The following FOXP1 variants were observed in gnomAD, a reference collection of about 807,000 sequenced individuals.
The protein encoded by FOXP1 is forkhead box protein P1.
A neutral mutation model predicts 98.2 loss-of-function variants in FOXP1; 15 were observed. The ratio of observed to expected loss-of-function variants is 0.15; its 90% CI spans 0.10 to 0.24. The LOEUF (loss-of-function observed/expected upper bound fraction) is 0.24. Ranked by LOEUF, FOXP1 falls within the 10% of genes least tolerant of loss-of-function variation. The pLI, the probability that FOXP1 is intolerant of heterozygous loss-of-function variation, is 1.00. For missense variants in FOXP1, 633 were observed against 848.5 expected (o/e 0.75, Z 3.15); for synonymous variants, 371 against 314.5 (o/e 1.18, Z -1.90).
In FOXP1 at chr3:71,583,611, G is replaced by C. The variant is rs1231517365; in HGVS notation, c.-487C>G. The C allele has an allele frequency of 1.0e-6, 1 of 983,884 alleles. No homozygotes were observed. Among genetic ancestry groups the C allele is most frequent in the Non-Finnish European group, 1.2e-6 (1 of 829,512 alleles). The allele number at this position is 983,884 out of a possible 1,614,324, so 60.9% of individuals were successfully genotyped here. On this transcript the variant is annotated 5_prime_UTR_variant, in exon 1 of 21. Coordinates refer to ENST00000649528, the MANE Select transcript of FOXP1 (RefSeq NM_001349338.3). ...TCTCGGTGCAAACTAAGGTGTTTTC[G>C]GGCCTTTCCCCGCGCGCGCCCACTC...
chr3:70,956,199 A>C lies in FOXP1; in HGVS notation c.*3048T>G, dbSNP rs983964566. ...AAAGAACCGCCCTCTGCCCTCCCCC[A>C]AAAAAGACAAAGATTCACACAGACA... is the stretch of plus-strand genomic sequence containing the variant. On this transcript the variant is annotated 3_prime_UTR_variant, in exon 21 of 21. Coordinates refer to ENST00000649528, the MANE Select transcript of FOXP1 (RefSeq NM_001349338.3). 2.4e-4 allele frequency: 57 copies of C among 233,104 alleles called. No individual in the cohort carries two copies. The highest frequency in any genetic ancestry group is 4.5e-4 in the Admixed American group (8 of 17,778). 14.4% of individuals were successfully genotyped at this position (233,104 alleles called of 1,614,324 possible).
At chr3:71,437,798 G>T (rs1008233550) in intron 3 of FOXP1, among the ~76,000 whole-genome samples, 4 of 152,168 alleles carry the variant, frequency 2.6e-5, no homozygotes, top group Non-Finnish European at 5.9e-5. Flanking sequence ...TGGGGCGTAA[G>T]AGACCCAAAC....
At chr3:70,972,873 G>A (rs368827651) in intron 17 of FOXP1, among the ~76,000 whole-genome samples, 197 bp from the exon 18 acceptor site, 10 of 152,054 alleles carry the variant, frequency 6.6e-5, no homozygotes, top group South Asian at 6.2e-4. Flanking sequence ...TAAATTAATC[G>A]TACTTTGGCA....
At chr3:71,218,307 T>C (rs1246173287) in intron 5 of FOXP1, among the ~76,000 whole-genome samples, 1 of 152,242 alleles carries the variant, frequency 6.6e-6, no homozygotes, top group Non-Finnish European at 1.5e-5. Flanking sequence ...TTCCAGGTGC[T>C]AAATTCAAAA....
At chr3:71,383,604 C>T (rs2080342106) in intron 3 of FOXP1, among the ~76,000 whole-genome samples, 1 of 152,088 alleles carries the variant, frequency 6.6e-6, no homozygotes, top group Non-Finnish European at 1.5e-5. Flanking sequence ...TCAGTTTTTG[C>T]TACATTTATG....
intron 9 of FOXP1, among the ~76,000 whole-genome samples, chr3:71,047,895 T>C (rs1186828706): frequency 1.3e-5 from 2 of 152,224 alleles, no homozygotes; most frequent in East Asian, 1.9e-4. Context: ...GGAAAACTTT[T>C]GTTGTGTAAA....
intron 18 of FOXP1, 136 bp downstream of exon 18, chr3:70,972,419 G>A (rs1036407094): frequency 7.8e-7 from 1 of 1,289,506 alleles, no homozygotes; most frequent in African/African-American, 1.5e-5. Context: ...GGGATGAAAT[G>A]CTTTTTTGCT....
chr3:71,260,894 A>C (rs557612668), intron 5 of FOXP1, among the ~76,000 whole-genome samples: 2 of 152,264 alleles, frequency 1.3e-5, no homozygotes, highest in Non-Finnish European at 2.9e-5. Flanking sequence ...AGTTAGGGGC[A>C]AAAGCTGGAT....
intron 14 of FOXP1, among the ~76,000 whole-genome samples, chr3:70,982,534 A>G (rs2039038704): frequency 6.6e-6 from 1 of 152,202 alleles, no homozygotes; most frequent in Admixed American, 6.5e-5. Flanking sequence ...CAGCAAAGAT[A>G]ATCTCTTTGA....
intron 6 of FOXP1, among the ~76,000 whole-genome samples, chr3:71,136,630 A>G (rs2059831178): frequency 6.6e-6 from 1 of 152,242 alleles, no homozygotes; most frequent in Admixed American, 6.5e-5. Context: ...AATCAGCTTC[A>G]GTAGACTAAT....
At chr3:71,555,879 ATAGAGT>A (rs1243682511) in intron 2 of FOXP1, among the ~76,000 whole-genome samples, 2 of 152,172 alleles carry the variant, frequency 1.3e-5, no homozygotes, top group Admixed American at 6.5e-5. Context: ...TACAATTAAG[ATAGAGT>A]TAAATACTAA....
At chr3:71,286,274 G>A (rs544017337) in intron 5 of FOXP1, among the ~76,000 whole-genome samples, 1 of 152,096 alleles carries the variant, frequency 6.6e-6, no homozygotes, top group South Asian at 2.1e-4. Flanking sequence ...TTTAGAATTA[G>A]ATGGGATATC....
At chr3:71,382,618 T>C (rs1378258440) in intron 3 of FOXP1, among the ~76,000 whole-genome samples, 1 of 152,150 alleles carries the variant, frequency 6.6e-6, no homozygotes, top group Non-Finnish European at 1.5e-5. Context: ...AGCTTGACAG[T>C]TGCTAGGAAT....
intron 6 of FOXP1, among the ~76,000 whole-genome samples, chr3:71,134,612 T>A (rs1310614950): frequency 6.6e-6 from 1 of 152,310 alleles, no homozygotes; most frequent in East Asian, 1.9e-4. Context: ...ATTTTAAGGT[T>A]AAGCTGGGCA....
intron 12 of FOXP1, among the ~76,000 whole-genome samples, chr3:71,012,924 G>C (rs555712978): frequency 6.6e-6 from 1 of 152,220 alleles, no homozygotes; most frequent in South Asian, 2.1e-4. Flanking sequence ...GCATATGTTT[G>C]ATTACATGTC....
chr3:71,349,979 A>G lies in FOXP1; in HGVS notation c.-73+9171T>C, dbSNP rs950691742. 5.3e-5 allele frequency among the ~76,000 whole-genome samples: 8 copies of G among 152,364 alleles called. No homozygotes were observed. The South Asian group carries it at 1.7e-3, about 32-fold the overall frequency. On this transcript the variant is annotated intron_variant, in intron 4 of 20. Transcript: ENST00000649528. ...CCGATCCTTTCAAAATTATTAGGAA[A>G]GTGGTTGTTAAAATTCTGTAATTTA... is the stretch of plus-strand genomic sequence containing the variant.
chr3:71,448,170 C>T (rs2086623389), intron 3 of FOXP1, among the ~76,000 whole-genome samples: 1 of 152,174 alleles, frequency 6.6e-6, no homozygotes, highest in African/African-American at 2.4e-5. Context: ...TAGTGACTGA[C>T]AGACACCTCC....
At chr3:71,021,992 CTTCT>C (rs1269854644) in intron 11 of FOXP1, among the ~76,000 whole-genome samples, 1 of 152,164 alleles carries the variant, frequency 6.6e-6, no homozygotes, top group African/African-American at 2.4e-5. Flanking sequence ...TCTTTGGCTC[CTTCT>C]GTTTTTGGTG....
At chr3:71,271,004 G>A (rs1182397800) in intron 5 of FOXP1, among the ~76,000 whole-genome samples, 2 of 152,234 alleles carry the variant, frequency 1.3e-5, no homozygotes, top group Non-Finnish European at 1.5e-5. Flanking sequence ...GCCAAGGTGG[G>A]CAGATCACCT....
Sources: allele counts gnomAD v4.1 joint callset (sites outside exome capture counted in the v4.1 genomes callset), GRCh38; gene constraint gnomAD v4.1.1; transcripts MANE v1.5; gene names NCBI Gene and HGNC (gene_info 2026-07-23, HGNC 2026-07-21).